The following COL4A3 variants were observed in gnomAD, a reference collection of about 807,000 sequenced individuals.
COL4A3 encodes the protein collagen type IV alpha 3 chain.
Under a neutral mutation model 217.4 loss-of-function variants are expected in COL4A3, and 135 were observed. The observed-to-expected ratio is 0.62, with a 90% CI of 0.54 to 0.72. The LOEUF is 0.72. COL4A3 is among the 30% of genes least tolerant of loss of function. The pLI is 0.00. For missense variants in COL4A3, 1,868 were observed against 2,119.9 expected (o/e 0.88, Z 2.33); for synonymous variants, 690 against 736.3 (o/e 0.94, Z 1.02).
intron 1 of COL4A3, among the ~76,000 whole-genome samples, chr2:227,233,566 G>T (rs1330291114): frequency 6.6e-6 from 1 of 152,042 alleles, no homozygotes; most frequent in Non-Finnish European, 1.5e-5. Flanking sequence ...CTAATAAGCT[G>T]GTACTCAGCT....
chr2:227,219,470 C>A (rs1054864724), intron 1 of COL4A3, among the ~76,000 whole-genome samples: 54 of 152,180 alleles, frequency 3.5e-4, no homozygotes, highest in African/African-American at 1.3e-3. Context: ...TTAATTCCCC[C>A]TTGGCTTTCT....
chr2:227,276,095 A>G (rs1454636499), intron 26 of COL4A3, among the ~76,000 whole-genome samples: 1 of 152,240 alleles, frequency 6.6e-6, no homozygotes, highest in Non-Finnish European at 1.5e-5. Flanking sequence ...TCTAATCCTA[A>G]TGTAAGAGGG....
At chr2:227,186,141 G>C (rs2066024589) in intron 1 of COL4A3, among the ~76,000 whole-genome samples, 1 of 152,232 alleles carries the variant, frequency 6.6e-6, no homozygotes, top group Non-Finnish European at 1.5e-5. Context: ...CACCCTTGGG[G>C]TGGTGTTTGG....
chr2:227,271,360 A>G (rs919866957), intron 25 of COL4A3, among the ~76,000 whole-genome samples: 6 of 152,180 alleles, frequency 3.9e-5, no homozygotes, highest in Non-Finnish European at 7.3e-5. Context: ...GTAGTCAAAT[A>G]AAGAGATTAA....
intron 1 of COL4A3, among the ~76,000 whole-genome samples, chr2:227,202,775 C>T (rs55798056): frequency 1.6e-4 from 19 of 116,138 alleles, no homozygotes; most frequent in Non-Finnish European, 2.5e-4. Flanking sequence ...ATATATATCA[C>T]ATATATATAC....
intron 43 of COL4A3, among the ~76,000 whole-genome samples, chr2:227,302,470 A>G (rs2073326925): frequency 6.6e-6 from 1 of 152,106 alleles, no homozygotes; most frequent in African/African-American, 2.4e-5. Context: ...TGAGGTCAGG[A>G]GGTCGAGACC....
intron 1 of COL4A3, among the ~76,000 whole-genome samples, chr2:227,184,472 C>T (rs1467331381): frequency 6.6e-6 from 1 of 152,190 alleles, no homozygotes; most frequent in African/African-American, 2.4e-5. Flanking sequence ...TTGGTTTCAG[C>T]TTCTGCCTTG....
chr2:227,245,434 T>C (rs1165563960), intron 5 of COL4A3, among the ~76,000 whole-genome samples: 3 of 152,206 alleles, frequency 2.0e-5, no homozygotes, highest in East Asian at 1.9e-4. Context: ...CAGGAGGATA[T>C]GTATAAGTCA....
chr2:227,309,876 C>A (rs1267962361), intron 50 of COL4A3, among the ~76,000 whole-genome samples: 1 of 152,164 alleles, frequency 6.6e-6, no homozygotes, highest in African/African-American at 2.4e-5. Context: ...ATCTGCCCAA[C>A]TCAGCCTCCC....
At chr2:227,237,618 A>G (rs202008321) in intron 1 of COL4A3, among the ~76,000 whole-genome samples, 5 of 152,240 alleles carry the variant, frequency 3.3e-5, no homozygotes, top group Non-Finnish European at 7.3e-5. Context: ...TTATCCTGAA[A>G]AAAAGGATAG....
intron 1 of COL4A3, among the ~76,000 whole-genome samples, chr2:227,206,167 A>G (rs78009250): frequency 0.14 from 21,755 of 151,910 alleles, 1,686 homozygotes; most frequent in Non-Finnish European, 0.16. Context: ...TCCACCAAGC[A>G]GGTTCAAGCA....
In COL4A3 at chr2:227,256,355, A is replaced by G; in HGVS notation, c.946A>G (p.Asn316Asp). 1 of 1,613,664 alleles carries G rather than the reference A, an allele frequency of 6.2e-7. No individual in the cohort carries two copies. The highest frequency in any genetic ancestry group is 8.5e-7 in the Non-Finnish European group (1 of 1,179,610). Reference protein sequence around the residue: ...GFPGSEGVKGNRGFPGLMGED... With the variant: ...GFPGSEGVKGDRGFPGLMGED... ...TTCTTTTCTTTAGGGAGTCAAGGGC[A>G]ACAGGGGTTTCCCTGGGTTAATGGG... The change falls in exon 17 of 52, where the codon AAC (asparagine) becomes GAC (aspartate). Residue 316 changes from asparagine (N) to aspartate (D), a missense_variant. By Grantham distance (23) the Asn-to-Asp change is conservative (BLOSUM62 1). This residue lies in a region of COL4A3 where 1,503 missense variants were observed against 1,786.1 expected (regional missense o/e 0.84). Transcript: ENST00000396578.
intron 1 of COL4A3, among the ~76,000 whole-genome samples, chr2:227,207,623 C>G (rs2067150796): frequency 1.3e-5 from 2 of 152,206 alleles, no homozygotes; most frequent in Admixed American, 6.5e-5. Context: ...GCAGAAGTGA[C>G]TAGTTAGGGG....
At chr2:227,297,593 C>T (rs1300217116) in intron 41 of COL4A3, 81 bp from the exon 42 acceptor site, 2 of 1,313,778 alleles carry the variant, frequency 1.5e-6, no homozygotes, top group Non-Finnish European at 2.1e-6. Context: ...AAGCAAAGTA[C>T]CTACATTATT....
At chr2:227,196,264 C>T (rs917260156) in intron 1 of COL4A3, among the ~76,000 whole-genome samples, 1 of 152,040 alleles carries the variant, frequency 6.6e-6, no homozygotes, top group Admixed American at 6.6e-5. Context: ...ATAGCAACTT[C>T]CAGTCCTGCA....
Position 227,312,162 on chromosome 2 carries a change from T to C in COL4A3, c.*292T>C, listed in dbSNP as rs984634522. ...ATCCAAGGCACTGTCACTACGGTGA[T>C]TGTATGAAGTTTGAATGCTGCAAGT... is the stretch of plus-strand genomic sequence containing the variant. On this transcript the variant is annotated 3_prime_UTR_variant, in exon 52 of 52. Transcript: ENST00000396578. 1.4e-5 allele frequency: 5 copies of C among 362,650 alleles called. No individual in the cohort carries two copies. Among genetic ancestry groups the C allele is most frequent in the Admixed American group, 1.3e-4 (3 of 23,258 alleles). The allele number at this position is 362,650 out of a possible 1,614,324, so 22.5% of individuals were successfully genotyped here.
In COL4A3 at chr2:227,311,964, C is replaced by A. The variant is rs1332157359; in HGVS notation, c.*94C>A. ...ATTTAGGTATTTTTCTTTAACCAAA[C>A]AATATTGCTCCATGATGACTTAGTA... On this transcript the variant is annotated 3_prime_UTR_variant, in exon 52 of 52. Transcript: ENST00000396578. 1.3e-6 allele frequency: 2 copies of A among 1,553,582 alleles called. No individual in the cohort carries two copies. Among genetic ancestry groups the A allele is most frequent in the Non-Finnish European group, 1.7e-6 (2 of 1,145,168 alleles).
At chr2:227,231,891 C>G (rs527404705) in intron 1 of COL4A3, among the ~76,000 whole-genome samples, 1 of 132,608 alleles carries the variant, frequency 7.5e-6, no homozygotes, top group Admixed American at 8.3e-5. Context: ...ACTGTGCTAC[C>G]AAATAGTCTT....
chr2:227,172,422 T>C (rs2065511944), intron 1 of COL4A3, among the ~76,000 whole-genome samples: 1 of 151,986 alleles, frequency 6.6e-6, no homozygotes, highest in African/African-American at 2.4e-5. Context: ...GACCTCTCAT[T>C]ATATCCTCAC....
Sources: gnomAD v4.1 joint callset for allele counts (sites outside exome capture counted in the v4.1 genomes callset) on GRCh38, gnomAD v4.1.1 for gene constraint, gnomAD v4.1.1 regional missense constraint, MANE v1.5 for transcripts, NCBI Gene and HGNC (gene_info 2026-07-23, HGNC 2026-07-21) for gene names.